The following FAM219A variants were observed in gnomAD, a reference collection of about 807,000 sequenced individuals.
FAM219A encodes the protein protein FAM219A.
A neutral mutation model predicts 23.4 loss-of-function variants in FAM219A; 7 were observed. That is an observed-to-expected ratio of 0.30 (90% CI 0.17 to 0.56). FAM219A has a LOEUF of 0.56. Ranked by LOEUF, FAM219A falls within the 20% of genes least tolerant of loss-of-function variation. The pLI is 0.92. For synonymous variants in FAM219A, 93 were observed against 99.0 expected, an observed-to-expected ratio of 0.94 and a Z score of 0.36; for missense variants, 166 against 246.9, an observed-to-expected ratio of 0.67 and a Z score of 2.20.
At position 34,398,292 on chromosome 9, in the gene FAM219A, A is replaced by T. The variant is rs1251521966; in HGVS notation, c.*2672T>A. 1 of 1,550,870 alleles carries T rather than the reference A, an allele frequency of 6.4e-7. No homozygotes were observed. ...TTAAAAAAAATATTATACACGGCTC[A>T]TGTCTTCCACACACCTTCCTGGAAA... On this transcript the variant is annotated 3_prime_UTR_variant, in exon 6 of 6. Coordinates refer to ENST00000651358, the MANE Select transcript of FAM219A (RefSeq NM_001184940.2).
At chr9:34,430,013 C>T (rs1822630727) in intron 1 of FAM219A, among the ~76,000 whole-genome samples, 1 of 152,202 alleles carries the variant, frequency 6.6e-6, no homozygotes, top group Admixed American at 6.5e-5. Context: ...GTATCAGGCC[C>T]TGGCCAGGGA....
intron 1 of FAM219A, among the ~76,000 whole-genome samples, chr9:34,412,691 A>G (rs1302397540): frequency 6.6e-6 from 1 of 152,070 alleles, no homozygotes; most frequent in Non-Finnish European, 1.5e-5. Context: ...AACAGAGAGG[A>G]ATAAGAGTAG....
At chr9:34,403,452 G>A (rs1821523816) in intron 2 of FAM219A, among the ~76,000 whole-genome samples, 1 of 152,246 alleles carries the variant, frequency 6.6e-6, no homozygotes, top group Non-Finnish European at 1.5e-5. Context: ...AGCCACTGAA[G>A]GTTATGGTGT....
At chr9:34,455,265 G>A in intron 1 of FAM219A, among the ~76,000 whole-genome samples, 1 of 152,110 alleles carries the variant, frequency 6.6e-6, no homozygotes, top group East Asian at 1.9e-4. Flanking sequence ...TAAAGAGATA[G>A]TTTGTCTTCA....
At chr9:34,437,968 G>GGCCACAAGC (rs1185653066) in intron 1 of FAM219A, among the ~76,000 whole-genome samples, 1 of 152,228 alleles carries the variant, frequency 6.6e-6, no homozygotes, top group Non-Finnish European at 1.5e-5. Context: ...GGCGCTTGCG[G>GGCCACAAGC]GCCACCTGGA....
At chr9:34,430,712 C>T (rs1392170335) in intron 1 of FAM219A, among the ~76,000 whole-genome samples, 1 of 147,696 alleles carries the variant, frequency 6.8e-6, no homozygotes, top group African/African-American at 2.5e-5. Context: ...CACGGTGGTA[C>T]ATGCCAGTAG....
intron 1 of FAM219A, among the ~76,000 whole-genome samples, chr9:34,422,667 C>T (rs367861720): frequency 6.6e-6 from 1 of 151,982 alleles, no homozygotes; most frequent in Admixed American, 6.6e-5. Context: ...CTGAAGCAGT[C>T]GATAGCTCAA....
intron 1 of FAM219A, among the ~76,000 whole-genome samples, chr9:34,437,112 A>G (rs1822949883): frequency 6.6e-6 from 1 of 152,226 alleles, no homozygotes; most frequent in Non-Finnish European, 1.5e-5. Context: ...TGCACTTCCC[A>G]GGAAAGCCTT....
chr9:34,434,201 CAAAAAA>C (rs56144317), intron 1 of FAM219A, among the ~76,000 whole-genome samples: 1 of 44,954 alleles, frequency 2.2e-5, no homozygotes, highest in Non-Finnish European at 4.1e-5. Flanking sequence ...GACTCCGTCT[CAAAAAA>C]AAAAAAAAAA....
At chr9:34,409,812 C>G (rs910622740) in intron 1 of FAM219A, among the ~76,000 whole-genome samples, 3 of 152,112 alleles carry the variant, frequency 2.0e-5, no homozygotes, top group Non-Finnish European at 4.4e-5. Context: ...GTAGATTCAC[C>G]TTTATTTCAT....
chr9:34,420,996 G>A (rs935679059), intron 1 of FAM219A, among the ~76,000 whole-genome samples: 26 of 98,416 alleles, frequency 2.6e-4, no homozygotes, highest in African/African-American at 8.7e-4. Context: ...GTGTGTATGT[G>A]TGTGTGTGTG....
intron 1 of FAM219A, among the ~76,000 whole-genome samples, chr9:34,431,531 G>A (rs1009309631): frequency 3.9e-5 from 6 of 152,122 alleles, no homozygotes; most frequent in Non-Finnish European, 8.8e-5. Context: ...ATCTGGCAAA[G>A]AGCACCAAAA....
chr9:34,432,729 C>T (rs771857020), intron 1 of FAM219A, among the ~76,000 whole-genome samples: 2 of 152,314 alleles, frequency 1.3e-5, no homozygotes, highest in East Asian at 1.9e-4. Flanking sequence ...ACTGGCGTCA[C>T]GTTCCTCCCC....
intron 1 of FAM219A, among the ~76,000 whole-genome samples, chr9:34,409,722 T>A (rs1821758921): frequency 6.6e-6 from 1 of 152,232 alleles, no homozygotes. Flanking sequence ...TTTGGTCCAC[T>A]GATTTTCATT....
At chr9:34,411,938 G>T (rs1346054712) in intron 1 of FAM219A, among the ~76,000 whole-genome samples, 4 of 152,194 alleles carry the variant, frequency 2.6e-5, no homozygotes, top group African/African-American at 9.6e-5. Context: ...TCAAGGAATA[G>T]TCGGCATTTT....
chr9:34,447,457 T>C (rs7861947), intron 1 of FAM219A, among the ~76,000 whole-genome samples: 27,603 of 152,138 alleles, frequency 0.18, 2,729 homozygotes, highest in East Asian at 0.33. Flanking sequence ...AACCTAAAAG[T>C]ATCCACTAGG....
rs1821336163 is a variant in FAM219A, at chr9:34,399,225, C to T, written c.*1739G>A. 6.6e-6 allele frequency: 1 copy of T among 152,206 alleles called. No individual in the cohort carries two copies. The highest frequency in any genetic ancestry group is 1.5e-5 in the Non-Finnish European group (1 of 68,078). 9.4% of individuals were successfully genotyped at this position (152,206 alleles called of 1,614,324 possible). On this transcript the variant is annotated 3_prime_UTR_variant, in exon 6 of 6. Coordinates refer to ENST00000651358, the MANE Select transcript of FAM219A (RefSeq NM_001184940.2). ...TTAGCATGAGATGATCCACCTGGGC[C>T]TGTGCTATAAGGTATGTGGGCACAG...
At chr9:34,420,540 A>C (rs1822227872) in intron 1 of FAM219A, among the ~76,000 whole-genome samples, 1 of 152,154 alleles carries the variant, frequency 6.6e-6, no homozygotes, top group Non-Finnish European at 1.5e-5. Flanking sequence ...TTGGGGGGTC[A>C]TTTGCAGCAG....
chr9:34,439,329 C>A (rs994771298), intron 1 of FAM219A, among the ~76,000 whole-genome samples: 82 of 152,162 alleles, frequency 5.4e-4, no homozygotes, highest in African/African-American at 1.8e-3. Context: ...CATGGGGTTA[C>A]CAAGTAAATG....
Sources: gnomAD v4.1 joint callset for allele counts (sites outside exome capture counted in the v4.1 genomes callset) on GRCh38, gnomAD v4.1.1 for gene constraint, MANE v1.5 for transcripts, NCBI Gene and HGNC (gene_info 2026-07-23, HGNC 2026-07-21) for gene names.